The following WTAP variants were observed in gnomAD, a reference collection of about 807,000 sequenced individuals.
WTAP encodes the protein WT1 associated protein.
Under a neutral mutation model 50.0 loss-of-function variants are expected in WTAP, and 8 were observed. The ratio of observed to expected loss-of-function variants is 0.16; its 90% CI spans 0.09 to 0.29. The LOEUF (loss-of-function observed/expected upper bound fraction) is 0.29, where lower values mean the gene tolerates loss of function less well. Ranked by LOEUF, WTAP falls within the 10% of genes least tolerant of loss-of-function variation. The pLI is 1.00. For missense variants in WTAP, 295 were observed against 470.7 expected (o/e 0.63, Z 3.45); for synonymous variants, 194 against 169.0 (o/e 1.15, Z -1.15).
At chr6:159,751,188 T>C (rs1779806825) in intron 6 of WTAP, among the ~76,000 whole-genome samples, 1 of 152,252 alleles carries the variant, frequency 6.6e-6, no homozygotes, top group African/African-American at 2.4e-5. Flanking sequence ...TTAAAATTTA[T>C]TTTACTAATC....
At chr6:159,737,863 T>G (rs763239313) in intron 2 of WTAP, among the ~76,000 whole-genome samples, 2 of 152,236 alleles carry the variant, frequency 1.3e-5, no homozygotes, top group African/African-American at 2.4e-5. Flanking sequence ...ATATACTGTT[T>G]CTCAATTTTT....
At position 159,755,704 on chromosome 6, in the gene WTAP, T is replaced by G. The variant is rs934888453; in HGVS notation, c.*93T>G. On this transcript the variant is annotated 3_prime_UTR_variant, in exon 8 of 8. Coordinates refer to ENST00000621533, the MANE Select transcript of WTAP (RefSeq NM_001270531.2). ...GCATACTTTTGTCACAATTTGCCTT[T>G]TTGTGGGTGTACGTTTTGGTTTTTT... 52 of 1,297,980 alleles carry G rather than the reference T, an allele frequency of 4.0e-5. No individual in the cohort carries two copies. The highest frequency in any genetic ancestry group is 5.9e-6 in the Non-Finnish European group (6 of 1,025,150). The allele number at this position is 1,297,980 out of a possible 1,614,324, so 80.4% of individuals were successfully genotyped here. A position where few individuals can be genotyped will look rare whatever the true frequency, so the allele number is the denominator to read the frequency against.
At chr6:159,727,395 A>AGGCGGGAGGCGCGT, upstream of WTAP, 1 of 1,049,168 alleles carries the variant, frequency 9.5e-7, no homozygotes, top group Non-Finnish European at 1.2e-6. Context: ...GGGAGGCGGG[A>AGGCGGGAGGCGCGT]GGCGGGAGGC....
chr6:159,738,939 C>CTT, intron 2 of WTAP, 51 bp from the exon 3 acceptor site: 1 of 1,404,740 alleles, frequency 7.1e-7, no homozygotes, highest in Non-Finnish European at 1.0e-6. Context: ...CATTATAGAA[C>CTT]TTTGTGTCTT....
At chr6:159,750,019 CAT>C (rs1257305820) in intron 6 of WTAP, among the ~76,000 whole-genome samples, 2 of 152,116 alleles carry the variant, frequency 1.3e-5, no homozygotes, top group Non-Finnish European at 2.9e-5. Context: ...TTGTAAGTAT[CAT>C]ATGTTTGTGC....
intron 5 of WTAP, 131 bp downstream of exon 5, chr6:159,743,923 C>T (rs1472546732): frequency 7.8e-6 from 8 of 1,019,352 alleles, no homozygotes; most frequent in African/African-American, 3.4e-5. Context: ...ATGCTTTGAG[C>T]TTTAAGAATA....
upstream of WTAP, chr6:159,727,102 G>GCCCCT (rs1374840416): frequency 1.4e-5 from 17 of 1,193,320 alleles, no homozygotes; most frequent in Non-Finnish European, 1.8e-5. Flanking sequence ...TCGCTGGCCC[G>GCCCCT]CCCCTCCCCT....
At position 159,753,484 on chromosome 6, in the gene WTAP, G is replaced by A. The variant is rs758355370; in HGVS notation, c.477G>A (p.Ala159=). The A allele has an allele frequency of 5.0e-6, 8 of 1,614,072 alleles. No homozygotes were observed. The highest frequency in any genetic ancestry group is 1.6e-4 in the Middle Eastern group (1 of 6,084). ...PDSQTGKKLM[A]KCRMLIQENQ... ...GCCAAACAGGGAAAAAGTTAATGGC[G>A]AAGTGTCGAATGCTTATCCAGGAGA... Residue 159 remains alanine (A), a synonymous_variant, in exon 7 of 8, where the codon GCG becomes GCA. Coordinates refer to ENST00000621533, the MANE Select transcript of WTAP (RefSeq NM_001270531.2).
chr6:159,748,443 A>G lies in WTAP; in HGVS notation c.452+74A>G. ...CGAGAAAGCTGTGGTGGGACAGCCA[A>G]GTACTCGTTTCCACACCAAGACTCA... On this transcript the variant is annotated intron_variant, in intron 6 of 7. Coordinates refer to ENST00000621533, the MANE Select transcript of WTAP (RefSeq NM_001270531.2). The surrounding 1 kb of genome is among the most constrained non-coding windows in gnomAD (Gnocchi z 5.6). The G allele has an allele frequency of 6.4e-7, 1 of 1,573,696 alleles. No individual in the cohort carries two copies. Among genetic ancestry groups the G allele is most frequent in the Non-Finnish European group, 8.6e-7 (1 of 1,158,822 alleles).
chr6:159,735,226 C>T (rs938175535), intron 1 of WTAP, among the ~76,000 whole-genome samples: 27 of 152,118 alleles, frequency 1.8e-4, no homozygotes, highest in Non-Finnish European at 3.7e-4. Context: ...CTGCAACCTC[C>T]GCCTCCCAGG....
At chr6:159,737,635 G>C (rs1044729977) in intron 2 of WTAP, among the ~76,000 whole-genome samples, 20 of 151,858 alleles carry the variant, frequency 1.3e-4, no homozygotes, top group African/African-American at 4.6e-4. Context: ...TCAGACTACA[G>C]GTGTGCCACT....
At chr6:159,743,029 G>C (rs538165416) in intron 4 of WTAP, among the ~76,000 whole-genome samples, 3 of 152,252 alleles carry the variant, frequency 2.0e-5, no homozygotes, top group African/African-American at 7.2e-5. Flanking sequence ...AAATTGTCCA[G>C]CAGTTATTAC....
intron 1 of WTAP, among the ~76,000 whole-genome samples, chr6:159,729,996 G>A (rs1404277424): frequency 1.3e-5 from 2 of 152,080 alleles, no homozygotes; most frequent in African/African-American, 4.8e-5. Flanking sequence ...AAGAGTAGAT[G>A]GTGGTCCTGA....
At chr6:159,734,406 A>G (rs1778781096) in intron 1 of WTAP, among the ~76,000 whole-genome samples, 1 of 151,920 alleles carries the variant, frequency 6.6e-6, no homozygotes, top group South Asian at 2.1e-4. Context: ...AGTTTAACAT[A>G]CCAAGCTTTT....
At chr6:159,753,429 AT>A (rs1244100426) in intron 6 of WTAP, 30 bp from the exon 7 acceptor site, 1 of 1,614,070 alleles carries the variant, frequency 6.2e-7, no homozygotes, top group South Asian at 1.1e-5. Context: ...TTTTGTCTTC[AT>A]TTTGTGATGG....
chr6:159,753,729 A>T (rs1779902291), intron 7 of WTAP, 115 bp downstream of exon 7: 4 of 1,269,966 alleles, frequency 3.1e-6, no homozygotes, highest in Non-Finnish European at 3.2e-6. Context: ...CTGCCCTATG[A>T]TTGTATATTA....
chr6:159,746,077 A>G (rs1005162412), intron 5 of WTAP, among the ~76,000 whole-genome samples: 2 of 152,234 alleles, frequency 1.3e-5, no homozygotes, highest in Non-Finnish European at 2.9e-5. Flanking sequence ...TCCTTCCCCA[A>G]AATACAAAGT....
Position 159,755,186 on chromosome 6 carries a change from G to C in WTAP, c.766G>C (p.Ala256Pro). The C allele has an allele frequency of 6.2e-7, 1 of 1,614,170 alleles. No homozygotes were observed. Among genetic ancestry groups the C allele is most frequent in the Non-Finnish European group, 8.5e-7 (1 of 1,180,026 alleles). Residue 256 changes from alanine (A) to proline (P), a missense_variant, in exon 8 of 8, where the codon GCT becomes CCT. By Grantham distance (27) the Ala-to-Pro change is conservative. This residue lies in a region of WTAP where 175 missense variants were observed against 183.1 expected (regional missense o/e 0.96). Coordinates refer to ENST00000621533, the MANE Select transcript of WTAP (RefSeq NM_001270531.2). ...TGCCCCAAGTACCAGCAGGACTACA[G>C]CTTCTGAACCTGTAGAACAGTCAGA... is the stretch of plus-strand genomic sequence containing the variant. The part of the protein sequence containing the change: ...ASAPSTSRTT[A>P]SEPVEQSEAT...
chr6:159,744,537 T>G (rs1037040817), intron 5 of WTAP, among the ~76,000 whole-genome samples: 4 of 152,220 alleles, frequency 2.6e-5, no homozygotes, highest in Non-Finnish European at 5.9e-5. Context: ...CTGTTCTGTT[T>G]CTTTTGCCAA....
Sources: allele counts gnomAD v4.1 joint callset (sites outside exome capture counted in the v4.1 genomes callset), GRCh38; gene constraint gnomAD v4.1.1; regional missense constraint gnomAD v4.1.1; non-coding constraint Gnocchi (gnomAD v3.1); transcripts MANE v1.5; gene names NCBI Gene and HGNC (gene_info 2026-07-23, HGNC 2026-07-21).